SEMA5A: variants seen among roughly 807,000 people sequenced by gnomAD.
The protein encoded by SEMA5A is semaphorin 5A, also known as semaphorin-5A.
SEMA5A carries 55 observed loss-of-function variants against 135.5 expected under a neutral mutation model. The observed-to-expected ratio is 0.41, with a 90% CI of 0.33 to 0.51. SEMA5A has a LOEUF of 0.51. Among genes scored for constraint, SEMA5A ranks in the 20% least tolerant of loss-of-function variants. SEMA5A has a pLI of 0.37. For missense variants in SEMA5A, 1,290 were observed against 1,419.9 expected, an observed-to-expected ratio of 0.91 and a Z score of 1.47; for synonymous variants, 580 against 546.5, an observed-to-expected ratio of 1.06 and a Z score of -0.85.
chr5:9,427,197 G>A (rs542288464), intron 2 of SEMA5A, among the ~76,000 whole-genome samples: 2 of 152,108 alleles, frequency 1.3e-5, no homozygotes, highest in South Asian at 4.2e-4. Flanking sequence ...TGTAATCTCA[G>A]CTACTCAGAA....
intron 3 of SEMA5A, among the ~76,000 whole-genome samples, chr5:9,370,360 C>T (rs1236999476): frequency 6.6e-6 from 1 of 152,178 alleles, no homozygotes; most frequent in Non-Finnish European, 1.5e-5. Flanking sequence ...AATAGTGTTA[C>T]CCCGACTTTT....
intron 8 of SEMA5A, among the ~76,000 whole-genome samples, chr5:9,210,805 T>C (rs751758510): frequency 1.2e-4 from 19 of 152,180 alleles, no homozygotes; most frequent in Non-Finnish European, 1.8e-4. Context: ...GGATGGCAGA[T>C]GACATGGATT....
In SEMA5A at chr5:9,474,882, C is replaced by T. The variant is rs202077360; in HGVS notation, c.-174-37030G>A. Among the ~76,000 whole-genome samples, 25 of 152,270 alleles carry T rather than the reference C, an allele frequency of 1.6e-4. No individual in the cohort carries two copies. The East Asian group carries it at 1.7e-3, about 11-fold the overall frequency. On this transcript the variant is annotated intron_variant, in intron 1 of 22. Transcript: ENST00000382496. ...GCCTTTTCCTGCCTCTGGGACTTCA[C>T]GTGTTGGAACCCACCTCCATTCTTG... is the stretch of plus-strand genomic sequence containing the variant.
chr5:9,267,706 C>A (rs1025388083), intron 5 of SEMA5A, among the ~76,000 whole-genome samples: 14 of 152,134 alleles, frequency 9.2e-5, no homozygotes, highest in African/African-American at 2.6e-4. Flanking sequence ...TAGAATTCAA[C>A]TAAAATAGTT....
At chr5:9,179,760 G>A (rs1744400482) in intron 11 of SEMA5A, among the ~76,000 whole-genome samples, 1 of 152,136 alleles carries the variant, frequency 6.6e-6, no homozygotes, top group Non-Finnish European at 1.5e-5. Context: ...TTGTGTTCAT[G>A]GAGTTCAGGG....
chr5:9,148,416 G>T (rs556417316), intron 12 of SEMA5A, among the ~76,000 whole-genome samples: 2 of 152,136 alleles, frequency 1.3e-5, no homozygotes, highest in East Asian at 3.9e-4. Flanking sequence ...GAGGCCACAG[G>T]GCAAGGCTTA....
intron 15 of SEMA5A, among the ~76,000 whole-genome samples, chr5:9,111,961 A>G (rs1740267045): frequency 6.6e-6 from 1 of 151,992 alleles, no homozygotes; most frequent in South Asian, 2.1e-4. Flanking sequence ...TTTAAAATTA[A>G]TTGTGGATAA....
In SEMA5A at chr5:9,037,730, C is replaced by T. The variant is rs962423437; in HGVS notation, c.*5167G>A. On this transcript the variant is annotated 3_prime_UTR_variant, in exon 23 of 23. Transcript: ENST00000382496. The stretch of plus-strand genomic sequence containing the variant: ...GGTTAACAAGCAAGGATTAAAGCAA[C>T]TTATTTTCCTTTGCTTTATTAGGTT... The T allele has an allele frequency of 5.9e-5, 9 of 152,106 alleles. No individual in the cohort carries two copies. Among genetic ancestry groups the T allele is most frequent in the Admixed American group, 6.5e-5 (1 of 15,270 alleles). The allele number at this position is 152,106 out of a possible 1,614,324, so 9.4% of individuals were successfully genotyped here. A position where few individuals can be genotyped will look rare whatever the true frequency, so the allele number is the denominator to read the frequency against.
At chr5:9,085,199 A>T (rs1422958388) in intron 16 of SEMA5A, among the ~76,000 whole-genome samples, 5 of 152,212 alleles carry the variant, frequency 3.3e-5, no homozygotes, top group African/African-American at 1.2e-4. Flanking sequence ...TGACAATGGG[A>T]TAGAAAAGAA....
In SEMA5A at chr5:9,066,447, T is replaced by C. The variant is rs765273608; in HGVS notation, c.2273A>G (p.Asp758Gly). The C allele has an allele frequency of 6.2e-7, 1 of 1,614,212 alleles. No individual in the cohort carries two copies. Among genetic ancestry groups the C allele is most frequent in the Non-Finnish European group, 8.5e-7 (1 of 1,180,030 alleles). The change falls in exon 17 of 23, where the codon GAC (aspartate) becomes GGC (glycine). Residue 758 changes from aspartate to glycine, a missense_variant. Transcript: ENST00000382496. ...QRIEMRYCSS[D>G]GTSGCSTDGL... ...ATCTGTGGAGCAGCCACTGGTGCCG[T>C]CGCTAGAACAGTACCGCATTTCGAT...
intron 2 of SEMA5A, among the ~76,000 whole-genome samples, chr5:9,420,017 T>A (rs750017005): frequency 6.6e-6 from 1 of 152,124 alleles, no homozygotes; most frequent in African/African-American, 2.4e-5. Flanking sequence ...TCGGTGGCCA[T>A]ATTGGTTCCA....
Position 9,545,419 on chromosome 5 carries a change from C to T in SEMA5A, c.-175+165G>A, listed in dbSNP as rs563293313. 1.3e-5 allele frequency among the ~76,000 whole-genome samples: 2 copies of T among 152,254 alleles called. No homozygotes were observed. Among genetic ancestry groups the T allele is most frequent in the African/African-American group, 2.4e-5 (1 of 41,558 alleles). On this transcript the variant is annotated intron_variant, in intron 1 of 22. Transcript: ENST00000382496. The surrounding 1 kb of genome is among the most constrained non-coding windows in gnomAD (Gnocchi z 4.5). Reference sequence around the variant, plus strand: ...GACTGACGGTCGTCCTAATCCTGTACGCGCAACCCCCGCCCAGGTGCCTGC... The same window carrying T: ...GACTGACGGTCGTCCTAATCCTGTATGCGCAACCCCCGCCCAGGTGCCTGC...
At chr5:9,281,174 G>A (rs1750522758) in intron 5 of SEMA5A, among the ~76,000 whole-genome samples, 1 of 152,136 alleles carries the variant, frequency 6.6e-6, no homozygotes, top group South Asian at 2.1e-4. Flanking sequence ...ATCAGTTACT[G>A]TACTTTGATA....
At chr5:9,148,777 T>A (rs1742475996) in intron 12 of SEMA5A, among the ~76,000 whole-genome samples, 1 of 152,254 alleles carries the variant, frequency 6.6e-6, no homozygotes, top group Non-Finnish European at 1.5e-5. Context: ...TGGAGTGCAG[T>A]GGTGTGATCT....
chr5:9,140,664 G>A (rs1312641839), intron 12 of SEMA5A, among the ~76,000 whole-genome samples: 1 of 152,136 alleles, frequency 6.6e-6, no homozygotes, highest in Non-Finnish European at 1.5e-5. Context: ...GCAAACCTGA[G>A]AGTAATTCTT....
At chr5:9,345,209 C>T (rs892363817) in intron 3 of SEMA5A, among the ~76,000 whole-genome samples, 1 of 152,192 alleles carries the variant, frequency 6.6e-6, no homozygotes. Flanking sequence ...CAATGGAATT[C>T]TGCTTCCTAA....
rs1735595545 is a variant in SEMA5A at position 9,035,445 on chromosome 5, C to T, written c.*7452G>A. On this transcript the variant is annotated 3_prime_UTR_variant, in exon 23 of 23. Transcript: ENST00000382496. The stretch of plus-strand genomic sequence containing the variant: ...CCATTGATTGGTTAGGTGACCTCCG[C>T]CCACCCCTGCTCCAACTTCCATAGT... 6.6e-6 allele frequency: 1 copy of T among 152,136 alleles called. No individual in the cohort carries two copies. The highest frequency in any genetic ancestry group is 1.5e-5 in the Non-Finnish European group (1 of 68,020). 9.4% of individuals were successfully genotyped at this position (152,136 alleles called of 1,614,324 possible). A position where few individuals can be genotyped will look rare whatever the true frequency, so the allele number is the denominator to read the frequency against.
intron 5 of SEMA5A, among the ~76,000 whole-genome samples, chr5:9,296,215 G>T (rs796602838): frequency 6.6e-6 from 1 of 152,068 alleles, no homozygotes; most frequent in Non-Finnish European, 1.5e-5. Context: ...GTTCAATAAA[G>T]GCTATTAGTG....
At chr5:9,237,266 C>T (rs1467116610) in intron 6 of SEMA5A, among the ~76,000 whole-genome samples, 2 of 152,100 alleles carry the variant, frequency 1.3e-5, no homozygotes, top group South Asian at 4.1e-4. Context: ...TCTTTTTGAG[C>T]CAGAGAAACA....
Sources: gnomAD v4.1 joint callset for allele counts (sites outside exome capture counted in the v4.1 genomes callset) on GRCh38, gnomAD v4.1.1 for gene constraint, Gnocchi (gnomAD v3.1) non-coding constraint, MANE v1.5 for transcripts, NCBI Gene and HGNC (gene_info 2026-07-23, HGNC 2026-07-21) for gene names.